Variants in EYA1 observed in about 807,000 individuals in gnomAD.
EYA1 encodes EYA transcriptional coactivator and phosphatase 1.
EYA1 carries 16 observed loss-of-function variants against 82.0 expected under a neutral mutation model. The ratio of observed to expected loss-of-function variants is 0.20; its 90% CI spans 0.13 to 0.30. The LOEUF (loss-of-function observed/expected upper bound fraction) is 0.30. Among genes scored for constraint, EYA1 ranks in the 10% least tolerant of loss-of-function variants. The pLI, the probability that EYA1 is intolerant of heterozygous loss-of-function variation, is 1.00. For synonymous variants in EYA1, 261 were observed against 264.4 expected, an observed-to-expected ratio of 0.99 and a Z score of 0.12; for missense variants, 633 against 730.7, an observed-to-expected ratio of 0.87 and a Z score of 1.54.
intron 2 of EYA1, chr8:71,404,361 T>G (rs1302309708): frequency 6.6e-6 from 1 of 152,222 alleles, no homozygotes; most frequent in Non-Finnish European, 1.5e-5. Context: ...AATGGCTTGC[T>G]ACTAAGATTT....
intron 2 of EYA1, among the ~76,000 whole-genome samples, chr8:71,393,285 T>C (rs1829383246): frequency 6.6e-6 from 1 of 151,978 alleles, no homozygotes; most frequent in African/African-American, 2.4e-5. Flanking sequence ...GCTTAAGTAA[T>C]TTTCTTTTAT....
intron 2 of EYA1, among the ~76,000 whole-genome samples, chr8:71,430,977 C>A (rs2129160646): frequency 6.6e-6 from 1 of 151,954 alleles, no homozygotes; most frequent in African/African-American, 2.4e-5. Flanking sequence ...TGGATAAGTC[C>A]TTTGTAGAGT....
chr8:71,400,255 A>G (rs934905778), intron 2 of EYA1, among the ~76,000 whole-genome samples: 2 of 152,238 alleles, frequency 1.3e-5, no homozygotes, highest in Non-Finnish European at 2.9e-5. Flanking sequence ...TCATGATGAA[A>G]ACATCAAAAG....
Position 71,354,776 on chromosome 8 carries a change from A to G in EYA1, c.124+6T>C. The G allele has an allele frequency of 6.2e-7, 1 of 1,612,598 alleles. No homozygotes were observed. The highest frequency in any genetic ancestry group is 8.5e-7 in the Non-Finnish European group (1 of 1,178,984). On this transcript the variant is annotated splice_donor_region_variant and intron_variant, in intron 3 of 17. Coordinates refer to ENST00000340726, the MANE Select transcript of EYA1 (RefSeq NM_000503.6). ...CAAAGTAAATAGTGAGAAGGCAGAC[A>G]CTCACCTTCGGTGCCATTGGGAGTC...
chr8:71,481,946 C>A (rs1810194545), intron 2 of EYA1, among the ~76,000 whole-genome samples: 2 of 152,132 alleles, frequency 1.3e-5, no homozygotes, highest in Admixed American at 6.6e-5. Context: ...AAAGTAGCTT[C>A]CATTCTGTAA....
At chr8:71,288,795 A>G (rs1037163754) in intron 9 of EYA1, among the ~76,000 whole-genome samples, 4 of 152,246 alleles carry the variant, frequency 2.6e-5, no homozygotes, top group African/African-American at 2.4e-5. Context: ...AATGCAAAAT[A>G]GCAGAGAATT....
intron 2 of EYA1, among the ~76,000 whole-genome samples, chr8:71,376,106 A>G (rs1828354125): frequency 6.6e-6 from 1 of 152,230 alleles, no homozygotes; most frequent in South Asian, 2.1e-4. Flanking sequence ...CGAAGCAGTG[A>G]GTGCTATTAT....
At chr8:71,245,367 C>G (rs1191597148) in intron 11 of EYA1, among the ~76,000 whole-genome samples, 1 of 152,044 alleles carries the variant, frequency 6.6e-6, no homozygotes, top group Non-Finnish European at 1.5e-5. Flanking sequence ...GCTGGGACTA[C>G]AGGCGCGCAC....
At chr8:71,285,067 T>C (rs929313340) in intron 9 of EYA1, among the ~76,000 whole-genome samples, 15 of 152,208 alleles carry the variant, frequency 9.9e-5, no homozygotes, top group Non-Finnish European at 2.1e-4. Flanking sequence ...AATGGTACTT[T>C]GAAAGTAAGA....
intron 16 of EYA1, among the ~76,000 whole-genome samples, chr8:71,212,464 T>C (rs1346043551): frequency 1.3e-5 from 2 of 152,228 alleles, no homozygotes; most frequent in Non-Finnish European, 2.9e-5. Context: ...TACGGGGAAA[T>C]GCTTATGCGT....
chr8:71,503,608 C>A (rs557947932), intron 2 of EYA1, among the ~76,000 whole-genome samples: 1 of 152,084 alleles, frequency 6.6e-6, no homozygotes, highest in Non-Finnish European at 1.5e-5. Context: ...TTTATGACAT[C>A]GCCAAAATAA....
intron 3 of EYA1, among the ~76,000 whole-genome samples, chr8:71,344,887 A>C (rs1825541902): frequency 6.6e-6 from 1 of 152,216 alleles, no homozygotes; most frequent in African/African-American, 2.4e-5. Context: ...CTAAATGTAC[A>C]TCTCAGATCA....
chr8:71,461,454 G>T (rs573669691), intron 2 of EYA1, among the ~76,000 whole-genome samples: 1 of 152,118 alleles, frequency 6.6e-6, no homozygotes, highest in African/African-American at 2.4e-5. Context: ...GGCTAGCAAC[G>T]GGGTATGTGG....
rs1346190781 is a variant in EYA1 at position 71,197,698 on chromosome 8, C to CACA, written c.*1639_*1641dup. Reference sequence around the variant, plus strand: ...CAAATGACTATTTCTAGCAGCAACACACAACTTCAGAAAAGAATGAAGTAG... The same window carrying CACA: ...CAAATGACTATTTCTAGCAGCAACACACAACAACTTCAGAAAAGAATGAAGTAG... On this transcript the variant is annotated 3_prime_UTR_variant, in exon 18 of 18. Transcript: ENST00000340726. 2.6e-5 allele frequency: 4 copies of CACA among 152,624 alleles called. No individual in the cohort carries two copies. The highest frequency in any genetic ancestry group is 9.7e-5 in the African/African-American group (4 of 41,444). 9.5% of individuals were successfully genotyped at this position (152,624 alleles called of 1,614,324 possible).
In EYA1 at chr8:71,315,636, C is replaced by T. The variant is rs184680244; in HGVS notation, c.556+1916G>A. Among the ~76,000 whole-genome samples, 16 of 152,310 alleles carry T rather than the reference C, an allele frequency of 1.1e-4. No homozygotes were observed. In the East Asian group the frequency reaches 2.9e-3, roughly 28 times the overall value. ...TCTATGAGCAAACAGACCTTGTCTG[C>T]CTTATGATCCATTTTATTACTAGAG... On this transcript the variant is annotated intron_variant, in intron 7 of 17. Transcript: ENST00000340726.
intron 4 of EYA1, among the ~76,000 whole-genome samples, chr8:71,327,316 C>T (rs951937409): frequency 3.9e-5 from 6 of 152,186 alleles, no homozygotes; most frequent in African/African-American, 1.4e-4. Flanking sequence ...AAAAGAGAAA[C>T]CATATTTGTT....
intron 2 of EYA1, among the ~76,000 whole-genome samples, chr8:71,413,206 T>C (rs559102932): frequency 6.6e-6 from 1 of 152,168 alleles, no homozygotes; most frequent in African/African-American, 2.4e-5. Flanking sequence ...AAAAAAGTGC[T>C]TCATTCTTAA....
chr8:71,420,506 C>G (rs1563596942), intron 2 of EYA1, among the ~76,000 whole-genome samples: 1 of 152,074 alleles, frequency 6.6e-6, no homozygotes, highest in African/African-American at 2.4e-5. Flanking sequence ...TTTCTATGTA[C>G]CACTATGTCT....
intron 2 of EYA1, among the ~76,000 whole-genome samples, chr8:71,369,165 T>G (rs1372471529): frequency 6.9e-6 from 1 of 144,816 alleles, no homozygotes; most frequent in Admixed American, 7.1e-5. Flanking sequence ...ATCACATCAC[T>G]GCTCTCCAGC....
Sources: allele counts gnomAD v4.1 joint callset (sites outside exome capture counted in the v4.1 genomes callset), GRCh38; gene constraint gnomAD v4.1.1; transcripts MANE v1.5; gene names NCBI Gene and HGNC (gene_info 2026-07-23, HGNC 2026-07-21).